ABCB11: variants seen among roughly 807,000 people sequenced by gnomAD.
The protein encoded by ABCB11 is bile salt export pump.
ABCB11 carries 95 observed loss-of-function variants against 148.0 expected under a neutral mutation model. The observed-to-expected ratio is 0.64, with a 90% CI of 0.54 to 0.76. The LOEUF is 0.76. Ranked by LOEUF, ABCB11 falls within the 30% of genes least tolerant of loss-of-function variation. ABCB11 has a pLI of 0.00. For missense variants in ABCB11, 1,523 were observed against 1,617.8 expected (o/e 0.94, Z 1.01); for synonymous variants, 591 against 555.4 (o/e 1.06, Z -0.90).
chr2:168,964,185 C>CA, intron 18 of ABCB11, 21 bp downstream of exon 18: 1 of 1,522,904 alleles, frequency 6.6e-7, no homozygotes, highest in Non-Finnish European at 8.9e-7. Flanking sequence ...CATTCCCCCC[C>CA]ATAAGCAGTT....
downstream of ABCB11, among the ~76,000 whole-genome samples, chr2:168,918,810 T>C (rs1690994994): frequency 6.6e-6 from 1 of 152,208 alleles, no homozygotes; most frequent in Non-Finnish European, 1.5e-5. Flanking sequence ...CTCTGGTGAA[T>C]CTATTTCTGG....
chr2:169,000,845 A>G (rs1001575813), intron 5 of ABCB11, among the ~76,000 whole-genome samples: 2 of 152,062 alleles, frequency 1.3e-5, no homozygotes, highest in Non-Finnish European at 2.9e-5. Context: ...TAGGGCTTAA[A>G]TATGTCATTT....
chr2:168,992,527 G>A (rs1167562532), intron 8 of ABCB11, among the ~76,000 whole-genome samples: 1 of 152,102 alleles, frequency 6.6e-6, no homozygotes, highest in East Asian at 1.9e-4. Context: ...AAACTTGAAT[G>A]ATATAGTGGA....
chr2:168,923,777 T>G lies in ABCB11; in HGVS notation c.3811A>C (p.Ile1271Leu). ...LDKAREGRTC[I>L]VIAHRLSTIQ... ...GTGGACAAGCGATGGGCAATGACAATGCAGGTCCGACCCTCTCTGGCTTTG... is the reference window on the plus strand; with the variant it reads ...GTGGACAAGCGATGGGCAATGACAAGGCAGGTCCGACCCTCTCTGGCTTTG... Residue 1271 changes from isoleucine to leucine, a missense_variant, in exon 28 of 28, where the codon ATT becomes CTT. Physicochemically the swap from Ile to Leu is conservative, Grantham distance 5. Transcript: ENST00000650372. 1.2e-6 allele frequency: 2 copies of G among 1,613,836 alleles called. No homozygotes were observed. Among genetic ancestry groups the G allele is most frequent in the Non-Finnish European group, 1.7e-6 (2 of 1,179,856 alleles).
downstream of ABCB11, among the ~76,000 whole-genome samples, chr2:168,918,979 T>C (rs773335403): frequency 2.0e-5 from 3 of 152,210 alleles, no homozygotes; most frequent in Non-Finnish European, 4.4e-5. Flanking sequence ...TTTAGCAGTT[T>C]CTTTCAGTAT....
At chr2:168,957,313 T>C (rs184170359) in intron 19 of ABCB11, among the ~76,000 whole-genome samples, 3 of 151,872 alleles carry the variant, frequency 2.0e-5, no homozygotes, top group Admixed American at 2.0e-4. Context: ...AGACGGTTGT[T>C]AGTAAACTTA....
intron 7 of ABCB11, among the ~76,000 whole-genome samples, chr2:168,994,909 C>G (rs1014987200): frequency 7.9e-5 from 12 of 151,940 alleles, no homozygotes; most frequent in African/African-American, 2.9e-4. Context: ...TCCTGAATTT[C>G]AGTGTGCTTT....
intron 8 of ABCB11, among the ~76,000 whole-genome samples, chr2:168,992,295 A>T (rs1183576634): frequency 1.3e-5 from 2 of 152,096 alleles, no homozygotes; most frequent in Non-Finnish European, 2.9e-5. Flanking sequence ...AGAGCTGTTT[A>T]AAACCAAGTG....
intron 8 of ABCB11, among the ~76,000 whole-genome samples, chr2:168,991,338 T>C (rs1159917650): frequency 2.6e-5 from 4 of 152,110 alleles, no homozygotes; most frequent in Non-Finnish European, 5.9e-5. Context: ...ATATATGACA[T>C]ATAACATATA....
At chr2:168,993,472 C>G (rs1336669422) in intron 8 of ABCB11, among the ~76,000 whole-genome samples, 1 of 152,032 alleles carries the variant, frequency 6.6e-6, no homozygotes. Context: ...CCTAGAGAAA[C>G]AGTGAATGCT....
intron 22 of ABCB11, 114 bp from the exon 23 acceptor site, chr2:168,935,539 A>T: frequency 7.5e-7 from 1 of 1,335,274 alleles, no homozygotes; most frequent in Non-Finnish European, 1.0e-6. Context: ...TACAAATCAG[A>T]GAATGCATCA....
At chr2:168,993,566 C>T in intron 8 of ABCB11, 145 bp downstream of exon 8, 1 of 696,992 alleles carries the variant, frequency 1.4e-6, no homozygotes, top group East Asian at 2.8e-5. Context: ...TCATTTGACA[C>T]TGGGGAGTAA....
At chr2:169,028,781 GAGA>G (rs1487393399) in intron 1 of ABCB11, among the ~76,000 whole-genome samples, 1 of 152,200 alleles carries the variant, frequency 6.6e-6, no homozygotes, top group Non-Finnish European at 1.5e-5. Flanking sequence ...AAATGGGTTT[GAGA>G]AGAATAGAGA....
In ABCB11 at chr2:168,923,541, C is replaced by G. The variant is rs1691162934; in HGVS notation, c.*81G>C. Reference sequence around the variant, plus strand: ...TAAAGAAAAAACAATCCCAGCAATCCCTCCTGCTGGGATTGTTTTTTTCTT... The same window carrying G: ...TAAAGAAAAAACAATCCCAGCAATCGCTCCTGCTGGGATTGTTTTTTTCTT... On this transcript the variant is annotated 3_prime_UTR_variant, in exon 28 of 28. Coordinates refer to ENST00000650372, the MANE Select transcript of ABCB11 (RefSeq NM_003742.4). 3 of 1,239,402 alleles carry G rather than the reference C, an allele frequency of 2.4e-6. No individual in the cohort carries two copies. Among genetic ancestry groups the G allele is most frequent in the African/African-American group, 3.0e-5 (2 of 66,282 alleles). 76.8% of individuals were successfully genotyped at this position (1,239,402 alleles called of 1,614,324 possible). A position where few individuals can be genotyped will look rare whatever the true frequency, so the allele number is the denominator to read the frequency against.
At chr2:169,013,745 G>C (rs1238011262) in intron 4 of ABCB11, among the ~76,000 whole-genome samples, 2 of 152,062 alleles carry the variant, frequency 1.3e-5, no homozygotes, top group African/African-American at 2.4e-5. Context: ...TAAATTTCCT[G>C]CTCTCTGAAT....
chr2:168,984,413 T>C (rs1694245453), intron 10 of ABCB11, among the ~76,000 whole-genome samples: 2 of 152,298 alleles, frequency 1.3e-5, no homozygotes, highest in Non-Finnish European at 2.9e-5. Context: ...TGGCACATAG[T>C]AGATGCTGAA....
intron 27 of ABCB11, 65 bp from the exon 28 acceptor site, chr2:168,923,887 G>C: frequency 2.0e-6 from 3 of 1,504,354 alleles, no homozygotes; most frequent in South Asian, 1.1e-5. Context: ...ACCATCATGA[G>C]AGTTCAGTTA....
chr2:169,007,186 A>G (rs554452030), intron 5 of ABCB11, among the ~76,000 whole-genome samples: 3 of 152,290 alleles, frequency 2.0e-5, no homozygotes, highest in African/African-American at 7.2e-5. Flanking sequence ...TTGAGAGTCC[A>G]CAAATAAACC....
chr2:168,993,805 C>A lies in ABCB11; in HGVS notation c.689G>T (p.Gly230Val). 6.2e-7 allele frequency: 1 copy of A among 1,611,550 alleles called. No individual in the cohort carries two copies. Among genetic ancestry groups the A allele is most frequent in the Non-Finnish European group, 8.5e-7 (1 of 1,178,666 alleles). ...ACCCCTGAAAAATCCCAACAGGAAA[C>A]CACAGATGGTCGAGGTCATGCGCTG... Reference protein sequence around the residue: ...FIQRMTSTICGFLLGFFRGWK... With the variant: ...FIQRMTSTICVFLLGFFRGWK... Residue 230 changes from glycine to valine, a missense_variant, in exon 8 of 28, where the codon GGT becomes GTT. Transcript: ENST00000650372.
Sources: allele counts gnomAD v4.1 joint callset (sites outside exome capture counted in the v4.1 genomes callset), GRCh38; gene constraint gnomAD v4.1.1; transcripts MANE v1.5; gene names NCBI Gene and HGNC (gene_info 2026-07-23, HGNC 2026-07-21).